The following COL14A1 variants were observed in gnomAD, a reference collection of about 807,000 sequenced individuals.
The protein encoded by COL14A1 is collagen alpha-1(XIV) chain.
A neutral mutation model predicts 230.3 loss-of-function variants in COL14A1; 136 were observed. That is an observed-to-expected ratio of 0.59 (90% CI 0.51 to 0.68). COL14A1 has a LOEUF of 0.68. Ranked by LOEUF, COL14A1 falls within the 30% of genes least tolerant of loss-of-function variation. COL14A1 has a pLI of 0.00. For synonymous variants in COL14A1, 792 were observed against 784.1 expected, an observed-to-expected ratio of 1.01 and a Z score of -0.17; for missense variants, 1,976 against 2,215.8, an observed-to-expected ratio of 0.89 and a Z score of 2.17.
chr8:120,125,663 T>G (rs564816191), intron 1 of COL14A1, among the ~76,000 whole-genome samples: 1 of 152,058 alleles, frequency 6.6e-6, no homozygotes, highest in Admixed American at 6.6e-5. Context: ...GAAGCTGCGT[T>G]TGGCTGCGGG....
chr8:120,225,993 G>GT lies in COL14A1; in HGVS notation c.1865-623dup, dbSNP rs796574518. On this transcript the variant is annotated intron_variant, in intron 15 of 47. Transcript: ENST00000297848. ...TCCTATCAAAAAGTTGGGTTTTTAT[G>GT]TTTTTTTTTTTGTTTTTAAACTCTG... Among the ~76,000 whole-genome samples, 308 of 143,850 alleles carry GT rather than the reference G, an allele frequency of 2.1e-3. 1 individual carries two copies. The highest frequency in any genetic ancestry group is 8.9e-3 in the East Asian group (44 of 4,926). 94.4% of individuals were successfully genotyped at this position (143,850 alleles called of 152,430 possible).
At chr8:120,188,860 C>A (rs1218405202) in intron 5 of COL14A1, among the ~76,000 whole-genome samples, 1 of 152,198 alleles carries the variant, frequency 6.6e-6, no homozygotes, top group Admixed American at 6.5e-5. Flanking sequence ...CTACATTTAG[C>A]TGCTGGATTT....
intron 40 of COL14A1, among the ~76,000 whole-genome samples, chr8:120,327,060 T>G (rs530172858): frequency 1.1e-3 from 160 of 152,242 alleles, no homozygotes; most frequent in African/African-American, 3.8e-3. Flanking sequence ...AAAACCCACC[T>G]TTGTTCTTGA....
At chr8:120,153,974 G>A (rs1008912057) in intron 2 of COL14A1, among the ~76,000 whole-genome samples, 1 of 152,110 alleles carries the variant, frequency 6.6e-6, no homozygotes, top group Non-Finnish European at 1.5e-5. Flanking sequence ...TTAGCCGGGG[G>A]AGGATGGTTG....
intron 2 of COL14A1, among the ~76,000 whole-genome samples, chr8:120,153,816 G>C (rs1046075496): frequency 6.6e-6 from 1 of 152,124 alleles, no homozygotes; most frequent in East Asian, 1.9e-4. Flanking sequence ...AAATCCTCTG[G>C]GATACAGTCT....
Position 120,245,125 on chromosome 8 carries a change from G to A in COL14A1, c.2479+1117G>A, listed in dbSNP as rs114529797. Reference sequence around the variant, plus strand: ...CATGTAAGAGTTTTTCTGGTCATCCGGGTCTAGGCTCAATGTCACCTCCTC... The same window carrying A: ...CATGTAAGAGTTTTTCTGGTCATCCAGGTCTAGGCTCAATGTCACCTCCTC... On this transcript the variant is annotated intron_variant, in intron 20 of 47. Coordinates refer to ENST00000297848, the MANE Select transcript of COL14A1 (RefSeq NM_021110.4). Among the ~76,000 whole-genome samples the A allele has an allele frequency of 7.6e-3, 1,155 of 152,278 alleles. 11 individuals are homozygous for A. The highest frequency in any genetic ancestry group is 0.026 in the African/African-American group (1,061 of 41,542).
chr8:120,132,688 C>T (rs896766589), intron 1 of COL14A1, among the ~76,000 whole-genome samples: 6 of 151,420 alleles, frequency 4.0e-5, no homozygotes, highest in African/African-American at 1.5e-4. Context: ...GTTCTGTCAC[C>T]CAGGCTGTGT....
intron 5 of COL14A1, among the ~76,000 whole-genome samples, chr8:120,194,965 A>G (rs1199139511): frequency 6.6e-6 from 1 of 152,178 alleles, no homozygotes; most frequent in African/African-American, 2.4e-5. Context: ...CCCAAATACA[A>G]AGTTACCAGC....
At chr8:120,213,954 T>C in intron 13 of COL14A1, 1 of 425,060 alleles carries the variant, frequency 2.4e-6, no homozygotes, top group East Asian at 7.7e-5. Context: ...TATTAAGAGA[T>C]TCACTAACTC....
At chr8:120,251,401 G>C (rs1304877337) in intron 22 of COL14A1, among the ~76,000 whole-genome samples, 2 of 152,178 alleles carry the variant, frequency 1.3e-5, no homozygotes, top group Non-Finnish European at 2.9e-5. Context: ...TCTTTTCTCA[G>C]AGGGGTCACT....
chr8:120,361,747 T>A (rs1241935275), intron 45 of COL14A1, among the ~76,000 whole-genome samples: 1 of 152,098 alleles, frequency 6.6e-6, no homozygotes, highest in Non-Finnish European at 1.5e-5. Flanking sequence ...TGTCTGGGGA[T>A]GAGGAAGGAG....
intron 14 of COL14A1, among the ~76,000 whole-genome samples, chr8:120,224,464 C>A (rs921395296): frequency 6.6e-6 from 1 of 152,162 alleles, no homozygotes; most frequent in Non-Finnish European, 1.5e-5. Context: ...TCTTCTCTTA[C>A]TTTATGGTTT....
intron 44 of COL14A1, 124 bp from the exon 45 acceptor site, chr8:120,345,251 G>T (rs199659305): frequency 2.5e-6 from 2 of 785,816 alleles, no homozygotes; most frequent in African/African-American, 3.6e-5. Context: ...TTTCAAAGGG[G>T]TGTGATTTTT....
intron 3 of COL14A1, among the ~76,000 whole-genome samples, chr8:120,161,908 G>C (rs888526916): frequency 2.0e-5 from 3 of 152,150 alleles, no homozygotes; most frequent in Non-Finnish European, 4.4e-5. Flanking sequence ...GAGGTGATCT[G>C]CCTGCCTCGG....
At chr8:120,294,023 C>T (rs763222380) in intron 34 of COL14A1, among the ~76,000 whole-genome samples, 1 of 151,782 alleles carries the variant, frequency 6.6e-6, no homozygotes, top group South Asian at 2.1e-4. Flanking sequence ...GGTTAGACAT[C>T]AAATTACAAA....
Position 120,158,372 on chromosome 8 carries a change from G to A in COL14A1, c.205+126G>A, listed in dbSNP as rs566986446. The A allele has an allele frequency of 4.7e-4, 316 of 672,482 alleles. No individual in the cohort carries two copies. The African/African-American group carries it at 4.9e-3, about 11-fold the overall frequency. The allele number at this position is 672,482 out of a possible 1,614,324, so 41.7% of individuals were successfully genotyped here. On this transcript the variant is annotated intron_variant, in intron 3 of 47. Coordinates refer to ENST00000297848, the MANE Select transcript of COL14A1 (RefSeq NM_021110.4). ...GCTTTTGGTTTGTTTAATCTTCAGT[G>A]TTTAAAATCTTACCCTCTAATCAAG...
chr8:120,239,307 T>C (rs895649427), intron 19 of COL14A1, among the ~76,000 whole-genome samples: 2 of 152,252 alleles, frequency 1.3e-5, no homozygotes, highest in African/African-American at 2.4e-5. Flanking sequence ...TGCTGCATTA[T>C]TTCTGACACT....
intron 42 of COL14A1, among the ~76,000 whole-genome samples, chr8:120,335,833 G>A (rs993014519): frequency 2.6e-5 from 4 of 152,176 alleles, no homozygotes; most frequent in Admixed American, 1.3e-4. Flanking sequence ...GAGTGATAAA[G>A]CACACGAACG....
chr8:120,244,361 CTCTTT>C (rs1818701437), intron 20 of COL14A1, among the ~76,000 whole-genome samples: 1 of 152,186 alleles, frequency 6.6e-6, no homozygotes, highest in Non-Finnish European at 1.5e-5. Flanking sequence ...GCCACACTCT[CTCTTT>C]TATTTTCATT....
Sources: allele counts gnomAD v4.1 joint callset (sites outside exome capture counted in the v4.1 genomes callset), GRCh38; gene constraint gnomAD v4.1.1; transcripts MANE v1.5; gene names NCBI Gene and HGNC (gene_info 2026-07-23, HGNC 2026-07-21).